MDH2: variants seen among roughly 807,000 people sequenced by gnomAD.
MDH2 encodes the protein malate dehydrogenase, mitochondrial.
A neutral mutation model predicts 33.6 loss-of-function variants in MDH2; 25 were observed. That is an observed-to-expected ratio of 0.74 (90% CI 0.54 to 1.04). MDH2 has a LOEUF of 1.04. Ranked by LOEUF, MDH2 falls within the 50% of genes least tolerant of loss-of-function variation. The probability of loss-of-function intolerance (pLI) is 0.00; values close to 1 mark genes in which losing one functional copy is unlikely to be tolerated. For missense variants in MDH2, 432 were observed against 445.0 expected (o/e 0.97, Z 0.26); for synonymous variants, 193 against 188.7 (o/e 1.02, Z -0.19).
chr7:76,054,561 G>A (rs1554585917), intron 1 of MDH2: 1 of 440,604 alleles, frequency 2.3e-6, no homozygotes, highest in East Asian at 5.2e-5. Context: ...CTGCCTGATG[G>A]AGTCCAGCTT....
intron 1 of MDH2, among the ~76,000 whole-genome samples, chr7:76,049,356 A>T (rs1287988858): frequency 6.6e-6 from 1 of 152,198 alleles, no homozygotes. Context: ...CTGTATACAG[A>T]TAAGTACATT....
intron 1 of MDH2, among the ~76,000 whole-genome samples, chr7:76,053,881 C>T (rs74772990): frequency 3.3e-5 from 5 of 152,118 alleles, no homozygotes; most frequent in African/African-American, 7.2e-5. Context: ...CTTCGAATAA[C>T]GGGAGTGATT....
In MDH2 at chr7:76,054,896, A is replaced by C. The variant is rs1554585969; in HGVS notation, c.133A>C (p.Lys45Gln). ...CGGGCAGCCACTTTCACTTCTCCTG[A>C]AGAACAGCCCCTTGGTGAGCCGCCT... ...GIGQPLSLLL[K>Q]NSPLVSRLTL... The change falls in exon 2 of 9, where the codon AAG (lysine) becomes CAG (glutamine). Residue 45 changes from lysine to glutamine, a missense_variant. Physicochemically the swap from Lys to Gln is moderately conservative, Grantham distance 53. Transcript: ENST00000315758. The C allele has an allele frequency of 9.9e-6, 16 of 1,614,118 alleles. No individual in the cohort carries two copies. Among genetic ancestry groups the C allele is most frequent in the Non-Finnish European group, 1.3e-5 (15 of 1,180,026 alleles).
At chr7:76,054,784 C>T (rs782724462) in intron 1 of MDH2, 46 bp from the exon 2 acceptor site, 1 of 1,610,788 alleles carries the variant, frequency 6.2e-7, no homozygotes, top group South Asian at 1.1e-5. Context: ...GAATCCTTTT[C>T]ATGCTCATTT....
intron 4 of MDH2, among the ~76,000 whole-genome samples, chr7:76,059,871 G>A (rs942176602): frequency 2.0e-5 from 3 of 152,168 alleles, no homozygotes; most frequent in Non-Finnish European, 2.9e-5. Flanking sequence ...AGCACTCGCC[G>A]TGTGTGAAGT....
chr7:76,060,547 G>T, intron 5 of MDH2, 49 bp downstream of exon 5: 1 of 1,603,172 alleles, frequency 6.2e-7, no homozygotes, highest in Non-Finnish European at 8.5e-7. Context: ...AACTTCTCCC[G>T]CCACCCGTGC....
In MDH2 at chr7:76,054,955, G is replaced by A. The variant is rs77424348; in HGVS notation, c.192G>A (p.Val64=). 2,350 of 1,614,014 alleles carry A rather than the reference G, an allele frequency of 1.5e-3. 34 individuals carry two copies. In the African/African-American group the frequency reaches 0.027, roughly 19 times the overall value. Residue 64 remains valine, a synonymous_variant, in exon 2 of 9, where the codon GTG becomes GTA. Transcript: ENST00000315758. ...ATGATATCGCGCACACACCCGGAGT[G>A]GCCGCAGATCTGAGCCACATCGAGA... ...TLYDIAHTPG[V]AADLSHIETK...
At chr7:76,055,345 G>C (rs1378427113) in intron 2 of MDH2, among the ~76,000 whole-genome samples, 1 of 152,148 alleles carries the variant, frequency 6.6e-6, no homozygotes, top group African/African-American at 2.4e-5. Context: ...CTCCACCCCA[G>C]GGTTATCTTG....
Position 76,066,547 on chromosome 7 carries a change from G to A in MDH2, c.*137G>A. On this transcript the variant is annotated 3_prime_UTR_variant, in exon 9 of 9. Transcript: ENST00000315758. The stretch of plus-strand genomic sequence containing the variant: ...GACATCATCATGCCTTCCAAATTGT[G>A]GGTGGCTCTGTGGGCGCATCAATAA... 1 of 1,133,798 alleles carries A rather than the reference G, an allele frequency of 8.8e-7. No individual in the cohort carries two copies. 70.2% of individuals were successfully genotyped at this position (1,133,798 alleles called of 1,614,324 possible). A position where few individuals can be genotyped will look rare whatever the true frequency, so the allele number is the denominator to read the frequency against.
At chr7:76,060,948 G>C (rs1797929085) in intron 5 of MDH2, among the ~76,000 whole-genome samples, 1 of 152,022 alleles carries the variant, frequency 6.6e-6, no homozygotes, top group Non-Finnish European at 1.5e-5. Flanking sequence ...TATCAGAATT[G>C]TTGTTGGCCC....
rs782299988 is a variant in MDH2 at position 76,064,893 on chromosome 7, T to C, written c.825T>C (p.Cys275=). 2 of 1,614,050 alleles carry C rather than the reference T, an allele frequency of 1.2e-6. No homozygotes were observed. The highest frequency in any genetic ancestry group is 2.2e-5 in the East Asian group (1 of 44,880). Residue 275 remains cysteine, a synonymous_variant, in exon 8 of 9, where the codon TGT becomes TGC. Coordinates refer to ENST00000315758, the MANE Select transcript of MDH2 (RefSeq NM_005918.4). The stretch of plus-strand genomic sequence containing the variant: ...ATGGAAAGGAAGGTGTTGTGGAATG[T>C]TCCTTCGTTAAGTCACAGGAAACGG... ...AMNGKEGVVE[C]SFVKSQETEC...
At chr7:76,057,292 C>A in intron 2 of MDH2, 118 bp from the exon 3 acceptor site, 3 of 966,530 alleles carry the variant, frequency 3.1e-6, no homozygotes, top group South Asian at 1.6e-5. Flanking sequence ...AGTCACGTTA[C>A]AGGCAGGGCT....
chr7:76,061,274 C>T (rs1047417243), intron 5 of MDH2, among the ~76,000 whole-genome samples: 17 of 152,190 alleles, frequency 1.1e-4, no homozygotes, highest in Non-Finnish European at 2.5e-4. Context: ...GAAGTGCACC[C>T]GCAGCACCCT....
rs1540353 is a variant in MDH2, at chr7:76,063,647, C to G, written c.633+55C>G. ...CGAGGTCAGGATTCCCTTTACCAGG[C>G]CCTGCTTTGAGGTGATCCCGGTAGA... On this transcript the variant is annotated intron_variant, in intron 6 of 8. Coordinates refer to ENST00000315758, the MANE Select transcript of MDH2 (RefSeq NM_005918.4). 4.6e-3 allele frequency: 7,192 copies of G among 1,557,458 alleles called. 268 individuals carry two copies. The African/African-American group carries it at 0.081, about 18-fold the overall frequency.
chr7:76,057,592 G>T (rs782806705), intron 3 of MDH2, 99 bp downstream of exon 3: 17 of 1,258,652 alleles, frequency 1.4e-5, no homozygotes, highest in Non-Finnish European at 1.9e-5. Context: ...TTGCTTTGTT[G>T]TAGGAAAAAT....
At chr7:76,052,102 T>A (rs566732929) in intron 1 of MDH2, among the ~76,000 whole-genome samples, 1 of 152,246 alleles carries the variant, frequency 6.6e-6, no homozygotes, top group Non-Finnish European at 1.5e-5. Context: ...GTTCACCTTA[T>A]GTACACATGG....
chr7:76,063,265 A>C (rs1798001822), intron 5 of MDH2, among the ~76,000 whole-genome samples: 1 of 152,216 alleles, frequency 6.6e-6, no homozygotes, highest in East Asian at 1.9e-4. Context: ...CTATGAAGGA[A>C]GGACTTGCGA....
At chr7:76,054,507 T>C (rs1797713600) in intron 1 of MDH2, 1 of 343,046 alleles carries the variant, frequency 2.9e-6, no homozygotes, top group Non-Finnish European at 5.4e-6. Context: ...GTTTATAGTT[T>C]ATAAAGCTGC....
At chr7:76,062,769 T>C (rs1296275433) in intron 5 of MDH2, among the ~76,000 whole-genome samples, 1 of 152,010 alleles carries the variant, frequency 6.6e-6, no homozygotes, top group Non-Finnish European at 1.5e-5. Context: ...TTAAAAAACA[T>C]AGATTGGGTG....
Sources: allele counts gnomAD v4.1 joint callset (sites outside exome capture counted in the v4.1 genomes callset), GRCh38; gene constraint gnomAD v4.1.1; transcripts MANE v1.5; gene names NCBI Gene and HGNC (gene_info 2026-07-23, HGNC 2026-07-21).